Variants in OPCML observed in about 807,000 individuals in gnomAD.
OPCML encodes opioid-binding protein/cell adhesion molecule.
In OPCML, 13 loss-of-function variants were observed where a neutral mutation model predicts 37.8. The ratio of observed to expected loss-of-function variants is 0.34; its 90% CI spans 0.22 to 0.55. OPCML has a LOEUF of 0.55. Among genes scored for constraint, OPCML ranks in the 20% least tolerant of loss-of-function variants. The pLI is 0.91. For synonymous variants in OPCML, 176 were observed against 168.8 expected, an observed-to-expected ratio of 1.04 and a Z score of -0.33; for missense variants, 341 against 435.6, an observed-to-expected ratio of 0.78 and a Z score of 1.93.
chr11:133,407,011 G>A (rs1945541324), intron 1 of OPCML, among the ~76,000 whole-genome samples: 1 of 152,182 alleles, frequency 6.6e-6, no homozygotes, highest in Non-Finnish European at 1.5e-5. Flanking sequence ...ATTCAGTTTT[G>A]AAATAGTACA....
chr11:133,076,509 T>C lies in OPCML; in HGVS notation c.62-133499A>G, dbSNP rs1948622851. Among the ~76,000 whole-genome samples, 4 of 152,166 alleles carry C rather than the reference T, an allele frequency of 2.6e-5. No individual in the cohort carries two copies. In the South Asian group the frequency reaches 8.3e-4, roughly 31 times the overall value. On this transcript the variant is annotated intron_variant, in intron 1 of 7. Coordinates refer to ENST00000524381, the MANE Select transcript of OPCML (RefSeq NM_001012393.5). Reference sequence around the variant, plus strand: ...TTCAAGAGGAGATGTTATACAAGACTGTAGAATTCTAGGCCAGAATTGGCT... The same window carrying C: ...TTCAAGAGGAGATGTTATACAAGACCGTAGAATTCTAGGCCAGAATTGGCT...
chr11:133,015,169 A>G (rs888742542), intron 1 of OPCML, among the ~76,000 whole-genome samples: 1 of 152,198 alleles, frequency 6.6e-6, no homozygotes, highest in Admixed American at 6.5e-5. Flanking sequence ...GGCAGGTTGG[A>G]AAATAGATTG....
At chr11:133,498,882 C>T (rs939605304) in intron 1 of OPCML, among the ~76,000 whole-genome samples, 3 of 152,194 alleles carry the variant, frequency 2.0e-5, no homozygotes, top group Non-Finnish European at 4.4e-5. Context: ...TGGAACCCAA[C>T]AGGCTCTAAG....
chr11:133,007,955 T>C (rs1947143275), intron 1 of OPCML: 1 of 985,374 alleles, frequency 1.0e-6, no homozygotes. Context: ...TTCACAGACA[T>C]GCAGAGAATT....
At chr11:132,485,597 C>G (rs951573919) in intron 4 of OPCML, among the ~76,000 whole-genome samples, 1 of 152,212 alleles carries the variant, frequency 6.6e-6, no homozygotes, top group Non-Finnish European at 1.5e-5. Context: ...ATTTCTCCTA[C>G]TATGACTTAG....
intron 1 of OPCML, chr11:133,006,300 G>A: frequency 1.9e-6 from 1 of 526,280 alleles, no homozygotes; most frequent in Non-Finnish European, 2.4e-6. Flanking sequence ...GAGATTCCCT[G>A]TTTCCCTTTT....
chr11:132,593,714 G>T (rs1477580005), intron 3 of OPCML, among the ~76,000 whole-genome samples: 1 of 152,136 alleles, frequency 6.6e-6, no homozygotes, highest in Non-Finnish European at 1.5e-5. Flanking sequence ...CCTGTGGCTT[G>T]GGTAAGAGAA....
chr11:132,604,098 T>C (rs1196985459), intron 3 of OPCML, among the ~76,000 whole-genome samples: 1 of 152,196 alleles, frequency 6.6e-6, no homozygotes, highest in African/African-American at 2.4e-5. Flanking sequence ...CAAATGATTC[T>C]AAATATTTAT....
intron 2 of OPCML, among the ~76,000 whole-genome samples, chr11:132,831,877 A>T (rs1940711034): frequency 6.6e-6 from 1 of 152,142 alleles, no homozygotes; most frequent in Non-Finnish European, 1.5e-5. Context: ...TGTGGTCATT[A>T]AACAGCAATC....
chr11:132,618,461 C>T (rs1356329343), intron 3 of OPCML, among the ~76,000 whole-genome samples: 1 of 152,068 alleles, frequency 6.6e-6, no homozygotes, highest in African/African-American at 2.4e-5. Context: ...CGAGATGGCA[C>T]CATTGCACTC....
At chr11:132,800,681 A>T (rs1266767676) in intron 2 of OPCML, among the ~76,000 whole-genome samples, 2 of 152,186 alleles carry the variant, frequency 1.3e-5, no homozygotes, top group Non-Finnish European at 2.9e-5. Context: ...GATTTTGTCT[A>T]TTACTCTATT....
chr11:133,085,175 A>G (rs485633), intron 1 of OPCML, among the ~76,000 whole-genome samples: 99,723 of 152,148 alleles, frequency 0.66, 32,759 homozygotes, highest in African/African-American at 0.7. Context: ...ACTGATTCAT[A>G]CAACCCAGTG....
intron 2 of OPCML, among the ~76,000 whole-genome samples, chr11:132,899,623 T>C (rs1943976603): frequency 6.6e-6 from 1 of 152,144 alleles, no homozygotes; most frequent in African/African-American, 2.4e-5. Flanking sequence ...TGATTAACTT[T>C]AGGTGTCAAT....
intron 2 of OPCML, among the ~76,000 whole-genome samples, chr11:132,766,359 G>A (rs1386987526): frequency 6.6e-6 from 1 of 152,130 alleles, no homozygotes; most frequent in Non-Finnish European, 1.5e-5. Flanking sequence ...CATTAAAGTG[G>A]AGAATCCTGG....
intron 1 of OPCML, among the ~76,000 whole-genome samples, chr11:133,397,517 G>A (rs1945314322): frequency 6.6e-6 from 1 of 152,228 alleles, no homozygotes; most frequent in East Asian, 1.9e-4. Flanking sequence ...AGTCAAAGCA[G>A]AGATCACCTG....
At chr11:132,692,981 C>T (rs1943462766) in intron 2 of OPCML, among the ~76,000 whole-genome samples, 1 of 152,144 alleles carries the variant, frequency 6.6e-6, no homozygotes, top group Non-Finnish European at 1.5e-5. Flanking sequence ...CTTCATAGTA[C>T]AATGCACAGT....
intron 3 of OPCML, among the ~76,000 whole-genome samples, chr11:132,622,148 A>T (rs999841339): frequency 2.0e-5 from 3 of 152,146 alleles, no homozygotes; most frequent in East Asian, 1.9e-4. Context: ...AGAATAATAA[A>T]AAAAAAAAGT....
chr11:132,604,088 C>T (rs1342450196), intron 3 of OPCML, among the ~76,000 whole-genome samples: 5 of 152,104 alleles, frequency 3.3e-5, no homozygotes, highest in Non-Finnish European at 7.4e-5. Flanking sequence ...CATTTGTTAG[C>T]AAATGATTCT....
chr11:132,513,851 C>T (rs1206085531), intron 4 of OPCML, among the ~76,000 whole-genome samples: 1 of 152,114 alleles, frequency 6.6e-6, no homozygotes, highest in Non-Finnish European at 1.5e-5. Context: ...TAATTAAATG[C>T]TATTATGTCT....
Sources: gnomAD v4.1 joint callset for allele counts (sites outside exome capture counted in the v4.1 genomes callset) on GRCh38, gnomAD v4.1.1 for gene constraint, MANE v1.5 for transcripts, NCBI Gene and HGNC (gene_info 2026-07-23, HGNC 2026-07-21) for gene names.